The following ACCSL variants were observed in gnomAD, a reference collection of about 807,000 sequenced individuals.
ACCSL encodes the protein 1-aminocyclopropane-1-carboxylate synthase homolog (inactive) like.
Under a neutral mutation model 61.7 loss-of-function variants are expected in ACCSL, and 55 were observed. That is an observed-to-expected ratio of 0.89 (90% CI 0.72 to 1.12). The LOEUF (loss-of-function observed/expected upper bound fraction) is 1.12, where lower values mean the gene tolerates loss of function less well. ACCSL is among the 50% of genes most tolerant of loss of function. ACCSL has a pLI of 0.00. For missense variants in ACCSL, 632 were observed against 698.0 expected (o/e 0.91, Z 1.07); for synonymous variants, 258 against 264.3 (o/e 0.98, Z 0.23).
At chr11:44,023,617 G>T in the ACCSL span, among the ~76,000 whole-genome samples, 2 of 131,868 alleles carry the variant, frequency 1.5e-5, no homozygotes, top group Admixed American at 7.6e-5. Flanking sequence ...TAGTTTTGTT[G>T]ATTTTATCTG....
chr11:43,957,500 A>T, the ACCSL span, among the ~76,000 whole-genome samples: 3 of 152,272 alleles, frequency 2.0e-5, no homozygotes, highest in Admixed American at 6.5e-5. Flanking sequence ...GAGGGAATAG[A>T]TGGTAAATGC....
the ACCSL span, among the ~76,000 whole-genome samples, chr11:43,990,339 A>G: frequency 2.0e-5 from 3 of 152,164 alleles, no homozygotes; most frequent in Non-Finnish European, 2.9e-5. Flanking sequence ...GAGGCTGGGA[A>G]GTCCAACATC....
chr11:44,008,218 G>A, the ACCSL span, among the ~76,000 whole-genome samples: 5 of 152,316 alleles, frequency 3.3e-5, no homozygotes, highest in South Asian at 8.3e-4. Flanking sequence ...GATGCTCAGA[G>A]ATGGCTTTTG....
the ACCSL span, among the ~76,000 whole-genome samples, chr11:43,971,892 CAGTT>C: frequency 6.6e-6 from 1 of 152,214 alleles, no homozygotes; most frequent in African/African-American, 2.4e-5. Context: ...TGCTCCCTGA[CAGTT>C]AGCTCCTGAC....
At chr11:43,922,729 G>C in the ACCSL span, among the ~76,000 whole-genome samples, 2 of 152,142 alleles carry the variant, frequency 1.3e-5, no homozygotes, top group Non-Finnish European at 2.9e-5. Flanking sequence ...TTCCCCGGTG[G>C]TCCTTTCTCA....
the ACCSL span, among the ~76,000 whole-genome samples, chr11:43,965,845 T>C: frequency 6.6e-6 from 1 of 152,184 alleles, no homozygotes; most frequent in Non-Finnish European, 1.5e-5. Flanking sequence ...GACCATTTAA[T>C]GGGTAAAAAC....
the ACCSL span, among the ~76,000 whole-genome samples, chr11:43,958,638 T>TTACAC: frequency 1.3e-5 from 2 of 152,236 alleles, no homozygotes; most frequent in African/African-American, 4.8e-5. Flanking sequence ...ACATTCAGTC[T>TTACAC]ATCGGAGGGC....
chr11:43,943,520 C>T, the ACCSL span: 1 of 1,340,272 alleles, frequency 7.5e-7, no homozygotes, highest in African/African-American at 1.5e-5. The surrounding 1 kb of genome is among the most constrained non-coding windows in gnomAD (Gnocchi z 4.8). Context: ...TTTTTTAACT[C>T]TTCCCAGTGC....
chr11:44,047,858 GA>G (rs919278650), upstream of ACCSL: 82 of 768,794 alleles, frequency 1.1e-4, no homozygotes, highest in Non-Finnish European at 4.7e-5. Context: ...AACTCTTCAT[GA>G]ACCAATCTGG....
the ACCSL span, among the ~76,000 whole-genome samples, chr11:44,001,340 G>C: frequency 8.6e-5 from 13 of 152,032 alleles, no homozygotes; most frequent in Non-Finnish European, 1.5e-4. Flanking sequence ...CCCATCTCTC[G>C]GGGGTGGCTT....
chr11:44,053,165 G>GAATA, intron 7 of ACCSL, 97 bp downstream of exon 7: 1 of 1,158,538 alleles, frequency 8.6e-7, no homozygotes, highest in Non-Finnish European at 1.3e-6. Flanking sequence ...AAGACCTGGT[G>GAATA]GGCTGTCCTT....
chr11:44,024,351 A>G, the ACCSL span, among the ~76,000 whole-genome samples: 1 of 151,468 alleles, frequency 6.6e-6, no homozygotes, highest in Admixed American at 6.6e-5. Context: ...AGATTATGGG[A>G]CTTCTCAGCC....
At chr11:44,022,449 T>A in the ACCSL span, among the ~76,000 whole-genome samples, 2 of 152,206 alleles carry the variant, frequency 1.3e-5, no homozygotes, top group Non-Finnish European at 2.9e-5. Flanking sequence ...GCTACCGATT[T>A]GTGTACATTG....
At chr11:43,967,167 C>CTTT in the ACCSL span, among the ~76,000 whole-genome samples, 2,202 of 62,590 alleles carry the variant, frequency 0.035, 429 homozygotes, top group African/African-American at 0.037. Flanking sequence ...TCTTCTTCTT[C>CTTT]TTTTTTTTTT....
chr11:43,972,402 G>A, the ACCSL span, among the ~76,000 whole-genome samples: 49 of 152,312 alleles, frequency 3.2e-4, no homozygotes, highest in East Asian at 4.8e-3. Context: ...GACTCAGAGC[G>A]TAAATAGTTC....
At chr11:43,930,469 G>C in the ACCSL span, among the ~76,000 whole-genome samples, 6,653 of 152,262 alleles carry the variant, frequency 0.044, 417 homozygotes, top group Admixed American at 0.19. Flanking sequence ...CCTCCCCATG[G>C]TAATGAGTGA....
At chr11:43,967,774 C>T in the ACCSL span, among the ~76,000 whole-genome samples, 9,960 of 152,092 alleles carry the variant, frequency 0.065, 348 homozygotes, top group South Asian at 0.1. Flanking sequence ...AGCCATTGAA[C>T]GAGTTGGATT....
chr11:43,937,502 G>A, the ACCSL span, among the ~76,000 whole-genome samples: 2 of 152,156 alleles, frequency 1.3e-5, no homozygotes, highest in Non-Finnish European at 2.9e-5. Context: ...GACTCCCTTC[G>A]AGTGGTCTCC....
the ACCSL span, among the ~76,000 whole-genome samples, chr11:44,020,878 G>A: frequency 6.6e-6 from 1 of 151,852 alleles, no homozygotes; most frequent in Non-Finnish European, 1.5e-5. Context: ...AACATATAAT[G>A]TTTGGTTTCT....
Sources: allele counts gnomAD v4.1 joint callset (sites outside exome capture counted in the v4.1 genomes callset), GRCh38; gene constraint gnomAD v4.1.1; non-coding constraint Gnocchi (gnomAD v3.1); transcripts MANE v1.5; gene names NCBI Gene and HGNC (gene_info 2026-07-23, HGNC 2026-07-21).